VAMP7: variants seen among roughly 807,000 people sequenced by gnomAD.
VAMP7 encodes vesicle associated membrane protein 7, also known as vesicle-associated membrane protein 7.
Under a neutral mutation model 29.6 loss-of-function variants are expected in VAMP7, and 14 were observed. That is an observed-to-expected ratio of 0.47 (90% CI 0.31 to 0.74). The LOEUF (loss-of-function observed/expected upper bound fraction) is 0.74. Among genes scored for constraint, VAMP7 ranks in the 30% least tolerant of loss-of-function variants. VAMP7 has a pLI of 0.05. For synonymous variants in VAMP7, 95 were observed against 88.1 expected (o/e 1.08, Z -0.44); for missense variants, 223 against 262.4 (o/e 0.85, Z 1.04).
chrX:155,892,739 C>A (rs1168364346), intron 2 of VAMP7, among the ~76,000 whole-genome samples: 1 of 108,600 alleles, frequency 9.2e-6, no homozygotes, highest in African/African-American at 4.2e-5. Context: ...ACTTTTCACA[C>A]TGTATTATTA....
intron 2 of VAMP7, among the ~76,000 whole-genome samples, chrX:155,892,466 C>G (rs2065936327): frequency 6.6e-6 from 1 of 152,146 alleles, no homozygotes. Flanking sequence ...CTTTAGTCCT[C>G]AGTTTTGCTT....
intron 7 of VAMP7, among the ~76,000 whole-genome samples, 196 bp downstream of exon 7, chrX:155,939,989 AATT>A (rs199939363): frequency 0.019 from 2,899 of 152,200 alleles, 103 homozygotes; most frequent in African/African-American, 0.066. Context: ...TCCTATTGAG[AATT>A]ATTATATATT....
At chrX:155,895,712 CTA>C (rs2065978507) in intron 3 of VAMP7, 32 bp downstream of exon 3, 1 of 1,577,500 alleles carries the variant, frequency 6.3e-7, no homozygotes, top group Non-Finnish European at 8.7e-7. Context: ...TGCTATTTAA[CTA>C]TGTGTACTGT....
chrX:155,905,778 T>G (rs769861354), intron 5 of VAMP7, among the ~76,000 whole-genome samples: 107 of 152,342 alleles, frequency 7.0e-4, no homozygotes, highest in African/African-American at 2.5e-3. Flanking sequence ...AGTACCAGGC[T>G]GTCATGATTA....
intron 7 of VAMP7, among the ~76,000 whole-genome samples, chrX:155,941,293 AAC>A (rs1309333142): frequency 1.3e-5 from 2 of 152,292 alleles, no homozygotes; most frequent in East Asian, 3.9e-4. Flanking sequence ...TTAAAAAGCA[AAC>A]ACATCTGTAA....
rs187146573 is a variant in VAMP7 at position 155,941,366 on chromosome X, T to C, written c.595-517T>C. ...CTGCTTTTCATTGTTTTGGTCATCGTAATTATTGTGTCATTATCCACTGAA... is the reference window on the plus strand; with the variant it reads ...CTGCTTTTCATTGTTTTGGTCATCGCAATTATTGTGTCATTATCCACTGAA... On this transcript the variant is annotated intron_variant, in intron 7 of 7. Coordinates refer to ENST00000286448, the MANE Select transcript of VAMP7 (RefSeq NM_005638.6). 5.9e-4 allele frequency among the ~76,000 whole-genome samples: 90 copies of C among 152,274 alleles called. 1 individual carries two copies. Among genetic ancestry groups the C allele is most frequent in the Admixed American group, 9.8e-4 (15 of 15,294 alleles).
In VAMP7 at chrX:155,899,321, G is replaced by C. The variant is rs763635983; in HGVS notation, c.342+1072G>C. On this transcript the variant is annotated intron_variant, in intron 4 of 7. Transcript: ENST00000286448. ...TGTGGTCTTAAGTTTTGCCATTCCAGTTGATGTGTAATGGTATCTCATTGT... is the reference window on the plus strand; with the variant it reads ...TGTGGTCTTAAGTTTTGCCATTCCACTTGATGTGTAATGGTATCTCATTGT... Among the ~76,000 whole-genome samples, 6 of 151,930 alleles carry C rather than the reference G, an allele frequency of 3.9e-5. No individual in the cohort carries two copies. The South Asian group carries it at 1.2e-3, about 32-fold the overall frequency.
intron 1 of VAMP7, among the ~76,000 whole-genome samples, chrX:155,888,237 T>C (rs1291665706): frequency 6.6e-6 from 1 of 152,190 alleles, no homozygotes; most frequent in African/African-American, 2.4e-5. Flanking sequence ...GCACATTCCT[T>C]GATCTCAAAC....
chrX:155,892,572 T>C (rs2065937567), intron 2 of VAMP7, among the ~76,000 whole-genome samples: 1 of 152,100 alleles, frequency 6.6e-6, no homozygotes, highest in South Asian at 2.1e-4. Context: ...TACTGGAATA[T>C]ATTTATCTAC....
At chrX:155,905,658 G>A (rs2066137087) in intron 5 of VAMP7, among the ~76,000 whole-genome samples, 1 of 152,072 alleles carries the variant, frequency 6.6e-6, no homozygotes, top group African/African-American at 2.4e-5. Context: ...TGCTGAAAAG[G>A]CTTTTCTTTC....
chrX:155,924,334 A>G (rs1445356818), intron 6 of VAMP7, among the ~76,000 whole-genome samples: 1 of 152,170 alleles, frequency 6.6e-6, no homozygotes, highest in East Asian at 1.9e-4. Context: ...AAAGTGCACA[A>G]TTCAGTGATG....
intron 6 of VAMP7, among the ~76,000 whole-genome samples, chrX:155,922,711 C>G (rs1308731118): frequency 6.6e-6 from 1 of 151,966 alleles, no homozygotes; most frequent in Non-Finnish European, 1.5e-5. Context: ...CCTCATTAAA[C>G]AAGTTGGGAA....
At chrX:155,912,812 AATAAAC>A (rs1192812223) in intron 5 of VAMP7, among the ~76,000 whole-genome samples, 6 of 152,198 alleles carry the variant, frequency 3.9e-5, no homozygotes, top group African/African-American at 1.4e-4. Context: ...ACAGTGCTGC[AATAAAC>A]ATACGTGTGC....
rs373684977 is a variant in VAMP7 at position 155,938,960 on chromosome X, A to C, written c.502-741A>C. Among the ~76,000 whole-genome samples the C allele has an allele frequency of 1.9e-3, 284 of 152,314 alleles. 1 individual carries two copies. The highest frequency in any genetic ancestry group is 6.7e-3 in the African/African-American group (278 of 41,568). Reference sequence around the variant, plus strand: ...TCATTACTGTATTGTATTCCATGTTATGACTCTCCTGTAATTTATGCATTG... The same window carrying C: ...TCATTACTGTATTGTATTCCATGTTCTGACTCTCCTGTAATTTATGCATTG... On this transcript the variant is annotated intron_variant, in intron 6 of 7. Coordinates refer to ENST00000286448, the MANE Select transcript of VAMP7 (RefSeq NM_005638.6).
chrX:155,896,504 A>G (rs1321521945), intron 3 of VAMP7, among the ~76,000 whole-genome samples: 6 of 152,196 alleles, frequency 3.9e-5, no homozygotes, highest in Admixed American at 6.5e-5. Flanking sequence ...CAAAATTCTC[A>G]GTAACTTAAT....
At chrX:155,881,671 T>C (rs1327967295) in intron 1 of VAMP7, among the ~76,000 whole-genome samples, 1 of 152,088 alleles carries the variant, frequency 6.6e-6, no homozygotes, top group Non-Finnish European at 1.5e-5. Context: ...AATGCGTCAC[T>C]TAAGCTGTCA....
intron 7 of VAMP7, 65 bp from the exon 8 acceptor site, chrX:155,941,818 A>G (rs1359109118): frequency 4.6e-6 from 7 of 1,514,174 alleles, no homozygotes; most frequent in Non-Finnish European, 6.2e-6. Flanking sequence ...CTACTTTCCT[A>G]TATATATTAT....
At chrX:155,917,311 T>G (rs1323839919) in intron 5 of VAMP7, among the ~76,000 whole-genome samples, 2 of 152,152 alleles carry the variant, frequency 1.3e-5, no homozygotes, top group Non-Finnish European at 2.9e-5. Context: ...ACATTCTCCT[T>G]TAGCTTGGAG....
intron 1 of VAMP7, among the ~76,000 whole-genome samples, chrX:155,883,376 C>T (rs1002401320): frequency 7.9e-5 from 12 of 152,134 alleles, no homozygotes; most frequent in African/African-American, 2.4e-4. Flanking sequence ...AAGGATCTCC[C>T]ATCTCTTCCC....
Sources: gnomAD v4.1 joint callset for allele counts (sites outside exome capture counted in the v4.1 genomes callset) on GRCh38, gnomAD v4.1.1 for gene constraint, MANE v1.5 for transcripts, NCBI Gene and HGNC (gene_info 2026-07-23, HGNC 2026-07-21) for gene names.